Variants in CSMD3 observed in about 807,000 individuals in gnomAD.
CSMD3 encodes CUB and sushi domain-containing protein 3.
In CSMD3, 177 loss-of-function variants were observed where a neutral mutation model predicts 435.2. The ratio of observed to expected loss-of-function variants is 0.41; its 90% CI spans 0.36 to 0.46. The LOEUF is 0.46. Ranked by LOEUF, CSMD3 falls within the 20% of genes least tolerant of loss-of-function variation. CSMD3 has a pLI of 0.34. For missense variants in CSMD3, 4,265 were observed against 4,504.6 expected, an observed-to-expected ratio of 0.95 and a Z score of 1.52; for synonymous variants, 1,656 against 1,520.5, an observed-to-expected ratio of 1.09 and a Z score of -2.07.
rs181508212 is a variant in CSMD3, at chr8:112,428,314, C to T, written c.5396-19282G>A. On this transcript the variant is annotated intron_variant, in intron 32 of 70. Transcript: ENST00000297405. Reference sequence around the variant, plus strand: ...AAATGTAAGTACAAAAAAATATATTCTCAAAACAGAGATATGTTAAAGATG... The same window carrying T: ...AAATGTAAGTACAAAAAAATATATTTTCAAAACAGAGATATGTTAAAGATG... Among the ~76,000 whole-genome samples the T allele has an allele frequency of 1.4e-3, 212 of 152,084 alleles. 2 individuals are homozygous for T. The highest frequency in any genetic ancestry group is 4.8e-3 in the African/African-American group (200 of 41,530).
intron 22 of CSMD3, among the ~76,000 whole-genome samples, chr8:112,632,271 A>G (rs959715479): frequency 1.3e-5 from 2 of 152,028 alleles, no homozygotes; most frequent in Admixed American, 1.3e-4. Context: ...CTATCATCAT[A>G]TATCATCTGA....
intron 66 of CSMD3, among the ~76,000 whole-genome samples, chr8:112,239,897 T>A (rs1290976781): frequency 6.6e-6 from 1 of 152,056 alleles, no homozygotes; most frequent in Admixed American, 6.6e-5. Flanking sequence ...TTACATTGAT[T>A]TCTGCCCTGC....
intron 11 of CSMD3, among the ~76,000 whole-genome samples, chr8:112,853,007 ATG>A (rs1389042583): frequency 1.3e-4 from 20 of 152,154 alleles, no homozygotes; most frequent in African/African-American, 4.8e-4. Flanking sequence ...TTTATTAGTA[ATG>A]TTATATATTT....
At chr8:112,682,733 A>G (rs1259077682) in intron 15 of CSMD3, 97 bp from the exon 16 acceptor site, 1 of 881,446 alleles carries the variant, frequency 1.1e-6, no homozygotes, top group Non-Finnish European at 1.9e-6. Flanking sequence ...AGAAAGAGAT[A>G]TTTTAAAAGG....
chr8:112,427,336 A>C (rs566600201), intron 32 of CSMD3, among the ~76,000 whole-genome samples: 1 of 152,154 alleles, frequency 6.6e-6, no homozygotes, highest in African/African-American at 2.4e-5. Flanking sequence ...ACCCAGTGTG[A>C]GGTAACTGAA....
chr8:112,498,514 C>A (rs918494316), intron 30 of CSMD3, among the ~76,000 whole-genome samples: 2 of 151,978 alleles, frequency 1.3e-5, no homozygotes, highest in African/African-American at 2.4e-5. Flanking sequence ...TGGTGTGTTA[C>A]CTAGAGAAAG....
intron 10 of CSMD3, among the ~76,000 whole-genome samples, chr8:112,884,747 A>G (rs2081544305): frequency 6.6e-6 from 1 of 151,658 alleles, no homozygotes; most frequent in Admixed American, 6.6e-5. Flanking sequence ...GTACTTTACC[A>G]AAAAGTTTGG....
intron 25 of CSMD3, among the ~76,000 whole-genome samples, chr8:112,555,709 A>G (rs1405895191): frequency 6.6e-6 from 1 of 152,018 alleles, no homozygotes; most frequent in African/African-American, 2.4e-5. Flanking sequence ...TGCAAGGCCT[A>G]TAATAACTAG....
chr8:112,301,139 T>C (rs1563759393), intron 53 of CSMD3, among the ~76,000 whole-genome samples: 1 of 152,008 alleles, frequency 6.6e-6, no homozygotes. Context: ...ACTATTTTCT[T>C]AATATTAAAT....
intron 5 of CSMD3, among the ~76,000 whole-genome samples, chr8:113,088,376 C>T (rs1281691284): frequency 2.0e-5 from 3 of 148,610 alleles, no homozygotes; most frequent in South Asian, 2.1e-4. Context: ...ACCCAAAGGA[C>T]TATAAATCAT....
At chr8:113,239,610 T>C (rs975065046) in intron 3 of CSMD3, among the ~76,000 whole-genome samples, 1 of 152,230 alleles carries the variant, frequency 6.6e-6, no homozygotes, top group East Asian at 1.9e-4. Flanking sequence ...GGGCTGTTTC[T>C]GTAACAAGTA....
At chr8:113,406,953 ATACTC>A (rs1209253908) in intron 1 of CSMD3, among the ~76,000 whole-genome samples, 2 of 152,076 alleles carry the variant, frequency 1.3e-5, no homozygotes, top group Non-Finnish European at 2.9e-5. Context: ...ATGTAACACA[ATACTC>A]TTCTTGGTTG....
At chr8:113,199,235 T>C (rs999535269) in intron 3 of CSMD3, among the ~76,000 whole-genome samples, 5 of 151,646 alleles carry the variant, frequency 3.3e-5, no homozygotes, top group African/African-American at 7.2e-5. Flanking sequence ...AAATAAGTTA[T>C]ATTTTAGACA....
At chr8:113,018,962 T>A in intron 6 of CSMD3, 105 bp downstream of exon 6, 2 of 803,638 alleles carry the variant, frequency 2.5e-6, no homozygotes, top group Admixed American at 3.7e-5. Flanking sequence ...TCAATACAAA[T>A]TCCAATTTCT....
At chr8:112,530,479 A>T (rs572437343) in intron 27 of CSMD3, among the ~76,000 whole-genome samples, 2 of 152,320 alleles carry the variant, frequency 1.3e-5, no homozygotes, top group South Asian at 4.1e-4. Flanking sequence ...AACTTTGCAG[A>T]CCATAAAGGA....
chr8:113,387,117 A>C (rs2094442669), intron 1 of CSMD3, among the ~76,000 whole-genome samples: 1 of 151,798 alleles, frequency 6.6e-6, no homozygotes, highest in African/African-American at 2.4e-5. Context: ...ATGATGGTTT[A>C]GATTGTGAAA....
At chr8:113,205,585 C>T (rs1282784552) in intron 3 of CSMD3, among the ~76,000 whole-genome samples, 1 of 152,156 alleles carries the variant, frequency 6.6e-6, no homozygotes, top group Admixed American at 6.5e-5. Context: ...TGGTGAATTT[C>T]TTGGGACATA....
intron 6 of CSMD3, among the ~76,000 whole-genome samples, chr8:113,007,730 A>T (rs2086109109): frequency 6.6e-6 from 1 of 151,896 alleles, no homozygotes; most frequent in African/African-American, 2.4e-5. Context: ...GAAATGATTT[A>T]TTTGAATTTG....
At chr8:112,734,942 G>T (rs572883931) in intron 13 of CSMD3, among the ~76,000 whole-genome samples, 2 of 152,024 alleles carry the variant, frequency 1.3e-5, no homozygotes, top group South Asian at 2.1e-4. Flanking sequence ...CACAGGGAAA[G>T]GTGCCCCCAT....
Sources: gnomAD v4.1 joint callset for allele counts (sites outside exome capture counted in the v4.1 genomes callset) on GRCh38, gnomAD v4.1.1 for gene constraint, MANE v1.5 for transcripts, NCBI Gene and HGNC (gene_info 2026-07-23, HGNC 2026-07-21) for gene names.